The following RANBP2 variants were observed in gnomAD, a reference collection of about 807,000 sequenced individuals.
The protein encoded by RANBP2 is E3 SUMO-protein ligase RanBP2.
RANBP2 carries 57 observed loss-of-function variants against 303.6 expected under a neutral mutation model. The observed-to-expected ratio is 0.19, with a 90% CI of 0.15 to 0.23. RANBP2 has a LOEUF of 0.23. RANBP2 is among the 10% of genes least tolerant of loss of function. The pLI, the probability that RANBP2 is intolerant of heterozygous loss-of-function variation, is 1.00. For missense variants in RANBP2, 3,138 were observed against 3,780.8 expected, an observed-to-expected ratio of 0.83 and a Z score of 4.46; for synonymous variants, 1,167 against 1,301.5, an observed-to-expected ratio of 0.90 and a Z score of 2.23.
the RANBP2 span, among the ~76,000 whole-genome samples, chr2:109,235,647 T>C: frequency 6.6e-6 from 1 of 152,148 alleles, no homozygotes; most frequent in Admixed American, 6.5e-5. Flanking sequence ...TGTTTTTTGG[T>C]GTCATTAGAG....
rs2912832 is a variant in RANBP2, at chr2:108,762,098, T to C, written c.2603-3T>C. On this transcript the variant is annotated splice_region_variant and splice_polypyrimidine_tract_variant and intron_variant, in intron 18 of 28. Transcript: ENST00000283195. ...TTTCTTTATTTTCTTTTTGTTTTTT[T>C]AGTTGCAACTACTGGCCCTTCAGTA... The C allele has an allele frequency of 6.3e-6, 10 of 1,596,700 alleles. No individual in the cohort carries two copies. The highest frequency in any genetic ancestry group is 8.5e-6 in the Non-Finnish European group (10 of 1,179,386).
chr2:108,786,801 A>G (rs1260717329), downstream of RANBP2: 7 of 1,571,816 alleles, frequency 4.5e-6, no homozygotes, highest in Non-Finnish European at 5.2e-6. Flanking sequence ...TCCCGGGGAG[A>G]CTGGTACGGT....
At chr2:108,741,275 C>T (rs1455318092) in intron 7 of RANBP2, among the ~76,000 whole-genome samples, 1 of 152,086 alleles carries the variant, frequency 6.6e-6, no homozygotes, top group Non-Finnish European at 1.5e-5. Context: ...CGGCTCACTG[C>T]AGCCTCCACC....
At chr2:109,513,704 C>T in the RANBP2 span, among the ~76,000 whole-genome samples, 45 of 152,310 alleles carry the variant, frequency 3.0e-4, no homozygotes, top group Non-Finnish European at 5.9e-4. Flanking sequence ...AGGAGGAGTG[C>T]CACAAGGGAA....
chr2:109,161,135 T>C, the RANBP2 span, among the ~76,000 whole-genome samples: 214 of 152,308 alleles, frequency 1.4e-3, 2 homozygotes, highest in African/African-American at 4.9e-3. Flanking sequence ...TGTATCCTTG[T>C]TACTAGGCAT....
chr2:109,543,732 T>C, the RANBP2 span: 17 of 159,304 alleles, frequency 1.1e-4, no homozygotes, highest in Middle Eastern at 3.1e-3. Flanking sequence ...AGAGAAAAGA[T>C]TTAGATTCAT....
chr2:109,420,437 TTTTTG>T, the RANBP2 span, among the ~76,000 whole-genome samples: 33 of 152,140 alleles, frequency 2.2e-4, 1 homozygote, highest in African/African-American at 3.4e-4. Context: ...GTTGTTGTTG[TTTTTG>T]TTTTGTTTTG....
At chr2:109,146,947 T>G in the RANBP2 span, among the ~76,000 whole-genome samples, 1 of 132,856 alleles carries the variant, frequency 7.5e-6, no homozygotes, top group Admixed American at 8.8e-5. Context: ...AGAAAACACT[T>G]CTGGCAGTAA....
At chr2:109,609,839 T>G in the RANBP2 span, among the ~76,000 whole-genome samples, 1 of 152,016 alleles carries the variant, frequency 6.6e-6, no homozygotes, top group Admixed American at 6.6e-5. Flanking sequence ...TAAGGATAAC[T>G]GAAGAAGTGG....
At chr2:109,279,371 G>A in the RANBP2 span, among the ~76,000 whole-genome samples, 1 of 152,190 alleles carries the variant, frequency 6.6e-6, no homozygotes, top group Non-Finnish European at 1.5e-5. Flanking sequence ...ATCGGCAGTG[G>A]CAGGTTCTTG....
At chr2:109,526,094 G>A in the RANBP2 span, among the ~76,000 whole-genome samples, 6 of 152,120 alleles carry the variant, frequency 3.9e-5, no homozygotes, top group Non-Finnish European at 8.8e-5. Context: ...AGGTGACCAG[G>A]AATCAGGGCA....
the RANBP2 span, among the ~76,000 whole-genome samples, chr2:109,035,320 T>C: frequency 2.7e-4 from 41 of 151,030 alleles, no homozygotes; most frequent in African/African-American, 7.8e-4. Flanking sequence ...AGATGGAGAG[T>C]CCCATTCCTC....
the RANBP2 span, among the ~76,000 whole-genome samples, chr2:108,859,486 A>G: frequency 2.6e-5 from 4 of 152,148 alleles, no homozygotes; most frequent in Non-Finnish European, 5.9e-5. Context: ...GCCAATGTCC[A>G]GAAGAGTATT....
chr2:109,102,028 A>G, the RANBP2 span, among the ~76,000 whole-genome samples: 1 of 152,210 alleles, frequency 6.6e-6, no homozygotes, highest in Non-Finnish European at 1.5e-5. Flanking sequence ...CAAAAGGTGT[A>G]TAAAGTAGCC....
chr2:109,200,133 A>G, the RANBP2 span, among the ~76,000 whole-genome samples: 4 of 152,196 alleles, frequency 2.6e-5, no homozygotes, highest in Non-Finnish European at 4.4e-5. Context: ...GACATGCTCC[A>G]CATGCTCCTA....
At chr2:108,874,697 G>C in the RANBP2 span, among the ~76,000 whole-genome samples, 1 of 152,126 alleles carries the variant, frequency 6.6e-6, no homozygotes, top group Non-Finnish European at 1.5e-5. Context: ...ATGCCTAGTA[G>C]AGGATTGTAA....
chr2:108,888,562 T>G, the RANBP2 span, among the ~76,000 whole-genome samples: 1 of 152,018 alleles, frequency 6.6e-6, no homozygotes, highest in East Asian at 1.9e-4. Context: ...TTTCTGGGAA[T>G]TTATCCATTT....
At chr2:108,797,244 G>C in the RANBP2 span, among the ~76,000 whole-genome samples, 1 of 152,192 alleles carries the variant, frequency 6.6e-6, no homozygotes, top group Non-Finnish European at 1.5e-5. Flanking sequence ...AGGAAGCAGA[G>C]CCTATAAAGG....
chr2:109,249,186 A>G, the RANBP2 span, among the ~76,000 whole-genome samples: 1 of 151,956 alleles, frequency 6.6e-6, no homozygotes, highest in Non-Finnish European at 1.5e-5. Flanking sequence ...CTGGCCAAGA[A>G]CTACACTCGT....
Sources: gnomAD v4.1 joint callset for allele counts (sites outside exome capture counted in the v4.1 genomes callset) on GRCh38, gnomAD v4.1.1 for gene constraint, MANE v1.5 for transcripts, NCBI Gene and HGNC (gene_info 2026-07-23, HGNC 2026-07-21) for gene names.